Variants in PCDHGA2 observed in about 807,000 individuals in gnomAD.
PCDHGA2 encodes protocadherin gamma subfamily A, 2.
PCDHGA2 carries 40 observed loss-of-function variants against 59.2 expected under a neutral mutation model. That is an observed-to-expected ratio of 0.68 (90% CI 0.52 to 0.88). The LOEUF (loss-of-function observed/expected upper bound fraction) is 0.88. PCDHGA2 is among the 40% of genes least tolerant of loss of function. The probability of loss-of-function intolerance (pLI) is 0.00; values close to 1 mark genes in which losing one functional copy is unlikely to be tolerated. For missense variants in PCDHGA2, 1,226 were observed against 1,204.0 expected, an observed-to-expected ratio of 1.02 and a Z score of -0.27; for synonymous variants, 560 against 526.0, an observed-to-expected ratio of 1.06 and a Z score of -0.89.
intron 1 of PCDHGA2, chr5:141,383,853 G>C (rs942698942): frequency 1.2e-6 from 2 of 1,613,948 alleles, no homozygotes; most frequent in Middle Eastern, 3.3e-4. Flanking sequence ...ATGAAATGGA[G>C]GTTCAGGCTC....
intron 1 of PCDHGA2, among the ~76,000 whole-genome samples, chr5:141,382,255 A>C (rs999860225): frequency 6.6e-6 from 1 of 152,204 alleles, no homozygotes. Flanking sequence ...ATCTTGCATC[A>C]TGGTGTCTAG....
At chr5:141,356,122 G>A in intron 1 of PCDHGA2, 1 of 1,613,886 alleles carries the variant, frequency 6.2e-7, no homozygotes, top group Non-Finnish European at 8.5e-7. Context: ...GGGGGGTCTA[G>A]ATTATGAGGA....
In PCDHGA2 at chr5:141,344,842, A is replaced by T. The variant is rs374930254; in HGVS notation, c.2424+3447A>T. The T allele has an allele frequency of 2.5e-6, 4 of 1,613,814 alleles. No homozygotes were observed. The African/African-American group carries it at 5.3e-5, about 22-fold the overall frequency. ...CTCACGGTGAATGCCACTGACCCTG[A>T]CGAGGGATTCAATGCTCAAGTGTCT... On this transcript the variant is annotated intron_variant, in intron 1 of 3. Transcript: ENST00000394576.
At chr5:141,392,571 G>A (rs920993262) in intron 1 of PCDHGA2, 5 of 449,626 alleles carry the variant, frequency 1.1e-5, no homozygotes, top group African/African-American at 1.0e-4. Flanking sequence ...TAACTATTTA[G>A]GACTGTAAGC....
In PCDHGA2 at chr5:141,511,367, G is replaced by A. The variant is rs563286583; in HGVS notation, c.*194G>A. ...CCTTCCCCCCCAGGGGGTTGAATAT[G>A]CAAAAGCAGTTCCGCTGGGAACCCC... On this transcript the variant is annotated 3_prime_UTR_variant, in exon 4 of 4. Coordinates refer to ENST00000394576, the MANE Select transcript of PCDHGA2 (RefSeq NM_018915.4). 2.3e-6 allele frequency: 3 copies of A among 1,299,952 alleles called. No individual in the cohort carries two copies. Among genetic ancestry groups the A allele is most frequent in the Non-Finnish European group, 3.1e-6 (3 of 967,442 alleles). 80.5% of individuals were successfully genotyped at this position (1,299,952 alleles called of 1,614,324 possible).
At chr5:141,383,218 A>C in intron 1 of PCDHGA2, 1 of 1,614,020 alleles carries the variant, frequency 6.2e-7, no homozygotes, top group Non-Finnish European at 8.5e-7. Context: ...GGTAAACTTT[A>C]ACATCCTGAT....
At chr5:141,346,520 T>C in intron 1 of PCDHGA2, 1 of 1,595,242 alleles carries the variant, frequency 6.3e-7, no homozygotes, top group Non-Finnish European at 8.6e-7. Context: ...TTATAAAGCT[T>C]TAACACATAT....
intron 1 of PCDHGA2, chr5:141,398,266 G>A: frequency 1.4e-6 from 2 of 1,439,368 alleles, no homozygotes; most frequent in Non-Finnish European, 1.9e-6. Flanking sequence ...GGGCTCCGTA[G>A]TGGGGAACCT....
chr5:141,460,983 G>A (rs12516231), intron 1 of PCDHGA2, among the ~76,000 whole-genome samples: 37,603 of 137,412 alleles, frequency 0.27, 5,103 homozygotes, highest in Admixed American at 0.34. Flanking sequence ...GTGTGTGTGT[G>A]TATATATATA....
chr5:141,475,867 G>A (rs2099377217), intron 1 of PCDHGA2: 1 of 504,884 alleles, frequency 2.0e-6, no homozygotes, highest in Non-Finnish European at 3.5e-6. Flanking sequence ...CTCATTCTTC[G>A]TGCAGTTATT....
rs368136545 is a variant in PCDHGA2, at chr5:141,356,944, G to A, written c.2424+15549G>A. ...TGGTGTGGAGCTGGCACCCCGCTCC[G>A]CAGATTCCGGCTACCTGGTGACCAA... On this transcript the variant is annotated intron_variant, in intron 1 of 3. Transcript: ENST00000394576. The A allele has an allele frequency of 6.2e-6, 10 of 1,614,090 alleles. No individual in the cohort carries two copies. In the South Asian group the frequency reaches 6.6e-5, roughly 11 times the overall value.
intron 1 of PCDHGA2, among the ~76,000 whole-genome samples, chr5:141,434,824 A>ACTTG (rs1561875192): frequency 1.3e-5 from 2 of 151,888 alleles, no homozygotes; most frequent in African/African-American, 4.8e-5. Flanking sequence ...CCCTTAGTAC[A>ACTTG]CTTGGCATTT....
At chr5:141,362,466 G>C (rs753193547) in intron 1 of PCDHGA2, 2 of 1,613,924 alleles carry the variant, frequency 1.2e-6, no homozygotes, top group African/African-American at 1.3e-5. Context: ...TGGTTCCCGC[G>C]CAAGATCTCG....
chr5:141,389,478 G>C (rs764977787), intron 1 of PCDHGA2: 1 of 1,613,150 alleles, frequency 6.2e-7, no homozygotes, highest in Non-Finnish European at 8.5e-7. Context: ...CACACTGCAG[G>C]CCCGCGACCA....
intron 1 of PCDHGA2, chr5:141,399,551 T>C: frequency 6.2e-7 from 1 of 1,614,052 alleles, no homozygotes; most frequent in Non-Finnish European, 8.5e-7. Context: ...GCCTCGGACC[T>C]GGACTTGGGG....
In PCDHGA2 at chr5:141,490,925, C is replaced by T; in HGVS notation, c.2425-3882C>T. 1 of 1,613,688 alleles carries T rather than the reference C, an allele frequency of 6.2e-7. No homozygotes were observed. The highest frequency in any genetic ancestry group is 8.5e-7 in the Non-Finnish European group (1 of 1,179,700). On this transcript the variant is annotated intron_variant, in intron 1 of 3. Coordinates refer to ENST00000394576, the MANE Select transcript of PCDHGA2 (RefSeq NM_018915.4). The surrounding 1 kb of genome is among the most constrained non-coding windows in gnomAD (Gnocchi z 5.4). ...GTCCTAGACGAGAATGATAATGCCC[C>T]AGCTGTGCTGCACCCACGGCCAGAC... is the stretch of plus-strand genomic sequence containing the variant.
At chr5:141,483,918 T>G (rs2099588800) in intron 1 of PCDHGA2, among the ~76,000 whole-genome samples, 1 of 150,512 alleles carries the variant, frequency 6.6e-6, no homozygotes, top group Non-Finnish European at 1.5e-5. Flanking sequence ...CCACTCAGAT[T>G]GCAGGTCGTA....
chr5:141,394,805 G>A, intron 1 of PCDHGA2: 1 of 1,613,860 alleles, frequency 6.2e-7, no homozygotes, highest in Non-Finnish European at 8.5e-7. Context: ...CCGTAGCCGT[G>A]GCTGACAGCA....
chr5:141,345,555 A>G, intron 1 of PCDHGA2: 1 of 1,614,144 alleles, frequency 6.2e-7, no homozygotes, highest in Non-Finnish European at 8.5e-7. Context: ...CGTCTCTATC[A>G]ACTCCAACAC....
Sources: allele counts gnomAD v4.1 joint callset (sites outside exome capture counted in the v4.1 genomes callset), GRCh38; gene constraint gnomAD v4.1.1; non-coding constraint Gnocchi (gnomAD v3.1); transcripts MANE v1.5; gene names NCBI Gene and HGNC (gene_info 2026-07-23, HGNC 2026-07-21).